The following TMEM98 variants were observed in gnomAD, a reference collection of about 807,000 sequenced individuals.
The protein encoded by TMEM98 is transmembrane protein 98.
TMEM98 carries 18 observed loss-of-function variants against 25.0 expected under a neutral mutation model. The ratio of observed to expected loss-of-function variants is 0.72; its 90% CI spans 0.50 to 1.07. The LOEUF (loss-of-function observed/expected upper bound fraction) is 1.07. Ranked by LOEUF, TMEM98 falls within the 50% of genes least tolerant of loss-of-function variation. TMEM98 has a pLI of 0.00. For synonymous variants in TMEM98, 103 were observed against 112.4 expected, an observed-to-expected ratio of 0.92 and a Z score of 0.53; for missense variants, 241 against 289.0, an observed-to-expected ratio of 0.83 and a Z score of 1.20.
At position 32,941,488 on chromosome 17, in the gene TMEM98, T is replaced by C; in HGVS notation, c.*495T>C. The C allele has an allele frequency of 6.5e-6, 1 of 152,822 alleles. No individual in the cohort carries two copies. The highest frequency in any genetic ancestry group is 1.5e-5 in the Non-Finnish European group (1 of 68,396). 9.5% of individuals were successfully genotyped at this position (152,822 alleles called of 1,614,324 possible). On this transcript the variant is annotated 3_prime_UTR_variant, in exon 8 of 8. Coordinates refer to ENST00000579849, the MANE Select transcript of TMEM98 (RefSeq NM_015544.3). ...TGGCCTGTTTCATTTATTTGTATTA[T>C]CTGCCTGGTCCCTGAGGCGTCTGGG...
At position 32,941,127 on chromosome 17, in the gene TMEM98, G is replaced by A; in HGVS notation, c.*134G>A. On this transcript the variant is annotated 3_prime_UTR_variant, in exon 8 of 8. Coordinates refer to ENST00000579849, the MANE Select transcript of TMEM98 (RefSeq NM_015544.3). Reference sequence around the variant, plus strand: ...AGTTCAGCTGTGTGTGCATAGTAAAGCAGGAGATCCCCGTCAGTTTATGCC... The same window carrying A: ...AGTTCAGCTGTGTGTGCATAGTAAAACAGGAGATCCCCGTCAGTTTATGCC... 5.2e-6 allele frequency: 4 copies of A among 776,618 alleles called. No homozygotes were observed. The highest frequency in any genetic ancestry group is 8.0e-6 in the Non-Finnish European group (4 of 499,928). 48.1% of individuals were successfully genotyped at this position (776,618 alleles called of 1,614,324 possible). A position where few individuals can be genotyped will look rare whatever the true frequency, so the allele number is the denominator to read the frequency against.
rs139536772 is a variant in TMEM98, at chr17:32,944,156, C to CTT, written c.*3163_*3164insTT. The CTT allele has an allele frequency of 0.089, 13,530 of 152,380 alleles. 677 individuals are homozygous for CTT. The highest frequency in any genetic ancestry group is 0.094 in the Non-Finnish European group (6,401 of 68,084). 9.4% of individuals were successfully genotyped at this position (152,380 alleles called of 1,614,324 possible). On this transcript the variant is annotated 3_prime_UTR_variant, in exon 8 of 8. Transcript: ENST00000579849. Reference sequence around the variant, plus strand: ...CTGCCTCATTCCAGGAGTTCCCTCTCCAGAGACCCTGTGTGCCCACACGAG... The same window carrying CTT: ...CTGCCTCATTCCAGGAGTTCCCTCTCTTCAGAGACCCTGTGTGCCCACACGAG...
intron 7 of TMEM98, 124 bp downstream of exon 7, chr17:32,939,660 C>A: frequency 1.7e-6 from 2 of 1,175,688 alleles, no homozygotes; most frequent in Non-Finnish European, 2.5e-6. Flanking sequence ...CCTTAGGCTG[C>A]CCGGGCCATG....
chr17:32,936,508 TGG>T (rs778912730), intron 6 of TMEM98, 61 bp downstream of exon 6: 246 of 1,451,110 alleles, frequency 1.7e-4, no homozygotes, highest in Non-Finnish European at 2.1e-4. Flanking sequence ...GGCTGGAAGC[TGG>T]GGTAGCCGCA....
At chr17:32,931,885 C>T (rs1439846767) in intron 3 of TMEM98, among the ~76,000 whole-genome samples, 1 of 152,118 alleles carries the variant, frequency 6.6e-6, no homozygotes. Context: ...AAGAAAGTCA[C>T]TGAATATGAA....
chr17:32,931,698 T>G, intron 3 of TMEM98, 39 bp downstream of exon 3: 1 of 1,586,806 alleles, frequency 6.3e-7, no homozygotes, highest in Non-Finnish European at 8.6e-7. Context: ...AGGGGTGGGC[T>G]CTAACTAAAG....
rs771527911 is a variant in TMEM98, at chr17:32,940,992, A to C, written c.680A>C (p.Ter227SerextTer7). 85 of 1,602,914 alleles carry C rather than the reference A, an allele frequency of 5.3e-5. No homozygotes were observed. The highest frequency in any genetic ancestry group is 6.7e-5 in the Non-Finnish European group (79 of 1,174,734). The part of the protein sequence containing the change: ...EGFLQEQSAI[*>S] ...TTCCTGCAGGAGCAGTCTGCAATTT[A>C]GTGCCTACAGGCCAGCAGCTAGCCA... is the stretch of plus-strand genomic sequence containing the variant. Residue 227 changes from the stop codon to serine (S), a stop_lost, in exon 8 of 8, where the codon TAG (stop) becomes TCG (serine). Coordinates refer to ENST00000579849, the MANE Select transcript of TMEM98 (RefSeq NM_015544.3).
Position 32,933,280 on chromosome 17 carries a change from A to G in TMEM98, c.238A>G (p.Asn80Asp). 6.2e-7 allele frequency: 1 copy of G among 1,614,140 alleles called. No individual in the cohort carries two copies. Among genetic ancestry groups the G allele is most frequent in the South Asian group, 1.1e-5 (1 of 91,076 alleles). The change falls in exon 4 of 8, where the codon AAT (asparagine) becomes GAT (aspartate). Residue 80 changes from asparagine (N) to aspartate (D), a missense_variant. Physicochemically the swap from Asn to Asp is conservative, Grantham distance 23. Transcript: ENST00000579849. ...TNPHIEAILE[N>D]EDWIEDASGL... ...CCCCCACATTGAGGCCATTCTGGAG[A>G]ATGAAGACTGGATCGAAGATGCCTC... is the stretch of plus-strand genomic sequence containing the variant.
In TMEM98 at chr17:32,933,457, T is replaced by G. The variant is rs1470171476; in HGVS notation, c.263+152T>G. 9 of 1,119,298 alleles carry G rather than the reference T, an allele frequency of 8.0e-6. No individual in the cohort carries two copies. In the East Asian group the frequency reaches 1.9e-4, roughly 24 times the overall value. The allele number at this position is 1,119,298 out of a possible 1,614,324, so 69.3% of individuals were successfully genotyped here. ...CCTTTAGTGTGGGGGAAAATCAGAATATGACTTGAAAGTGTTTGTCCTTTC... is the reference window on the plus strand; with the variant it reads ...CCTTTAGTGTGGGGGAAAATCAGAAGATGACTTGAAAGTGTTTGTCCTTTC... On this transcript the variant is annotated intron_variant, in intron 4 of 7. Coordinates refer to ENST00000579849, the MANE Select transcript of TMEM98 (RefSeq NM_015544.3).
At chr17:32,936,955 C>T (rs2091499795) in intron 6 of TMEM98, among the ~76,000 whole-genome samples, 1 of 152,262 alleles carries the variant, frequency 6.6e-6, no homozygotes, top group Admixed American at 6.5e-5. Context: ...GGCATTCAAC[C>T]TCCCAGATTC....
intron 1 of TMEM98, among the ~76,000 whole-genome samples, chr17:32,930,486 T>C (rs2091462173): frequency 2.0e-5 from 3 of 152,242 alleles, no homozygotes. Flanking sequence ...TGAAACAGTC[T>C]CCTGAGTGAA....
chr17:32,937,683 C>T (rs112395370), intron 6 of TMEM98, among the ~76,000 whole-genome samples: 5 of 152,252 alleles, frequency 3.3e-5, no homozygotes, highest in East Asian at 1.9e-4. Flanking sequence ...CCCCACCTAC[C>T]GGGTTCAAGC....
At chr17:32,934,578 G>A (rs1286977586) in intron 5 of TMEM98, among the ~76,000 whole-genome samples, 1 of 152,160 alleles carries the variant, frequency 6.6e-6, no homozygotes, top group Admixed American at 6.5e-5. Flanking sequence ...GACAGCCTAG[G>A]TACACAGCCA....
At position 32,942,700 on chromosome 17, in the gene TMEM98, T is replaced by C. The variant is rs1227913249; in HGVS notation, c.*1707T>C. On this transcript the variant is annotated 3_prime_UTR_variant, in exon 8 of 8. Coordinates refer to ENST00000579849, the MANE Select transcript of TMEM98 (RefSeq NM_015544.3). ...GGGCTCCAGGGGACACCTTATTGGA[T>C]TGGTGGCTTCCATCAACTCTTAAAA... 3 of 152,182 alleles carry C rather than the reference T, an allele frequency of 2.0e-5. No individual in the cohort carries two copies. The highest frequency in any genetic ancestry group is 7.2e-5 in the African/African-American group (3 of 41,444). The allele number at this position is 152,182 out of a possible 1,614,324, so 9.4% of individuals were successfully genotyped here.
rs1273726106 is a variant in TMEM98 at position 32,941,490 on chromosome 17, T to G, written c.*497T>G. 1 of 152,684 alleles carries G rather than the reference T, an allele frequency of 6.5e-6. No homozygotes were observed. The highest frequency in any genetic ancestry group is 1.5e-5 in the Non-Finnish European group (1 of 68,394). The allele number at this position is 152,684 out of a possible 1,614,324, so 9.5% of individuals were successfully genotyped here. The stretch of plus-strand genomic sequence containing the variant: ...GCCTGTTTCATTTATTTGTATTATC[T>G]GCCTGGTCCCTGAGGCGTCTGGGTC... On this transcript the variant is annotated 3_prime_UTR_variant, in exon 8 of 8. Transcript: ENST00000579849.
intron 1 of TMEM98, among the ~76,000 whole-genome samples, chr17:32,928,751 C>T (rs1021313400): frequency 1.3e-5 from 2 of 150,692 alleles, no homozygotes; most frequent in Non-Finnish European, 3.0e-5. Flanking sequence ...ACACTCAGGT[C>T]ACACACACAA....
intron 1 of TMEM98, among the ~76,000 whole-genome samples, chr17:32,930,042 C>T (rs1020265371): frequency 6.6e-6 from 1 of 151,794 alleles, no homozygotes; most frequent in African/African-American, 2.4e-5. Flanking sequence ...TGACCGAGAG[C>T]GTTTGGACCC....
chr17:32,939,613 C>T, intron 7 of TMEM98, 77 bp downstream of exon 7: 5 of 1,574,824 alleles, frequency 3.2e-6, no homozygotes, highest in Non-Finnish European at 4.4e-6. Flanking sequence ...GTGAGGCTGG[C>T]TGACTGGCTT....
At chr17:32,939,632 A>G (rs1598204516) in intron 7 of TMEM98, 96 bp downstream of exon 7, 7 of 1,525,172 alleles carry the variant, frequency 4.6e-6, no homozygotes, top group Non-Finnish European at 5.4e-6. Context: ...TTGTGTAGGG[A>G]GGGTGGCTTT....
Sources: gnomAD v4.1 joint callset for allele counts (sites outside exome capture counted in the v4.1 genomes callset) on GRCh38, gnomAD v4.1.1 for gene constraint, MANE v1.5 for transcripts, NCBI Gene and HGNC (gene_info 2026-07-23, HGNC 2026-07-21) for gene names.